GRID1: variants seen among roughly 807,000 people sequenced by gnomAD.
The protein encoded by GRID1 is glutamate receptor ionotropic, delta-1.
A neutral mutation model predicts 98.0 loss-of-function variants in GRID1; 28 were observed. The observed-to-expected ratio is 0.29, with a 90% CI of 0.21 to 0.39. GRID1 has a LOEUF of 0.39. GRID1 is among the 10% of genes least tolerant of loss of function. GRID1 has a pLI of 1.00. For missense variants in GRID1, 1,111 were observed against 1,340.5 expected, an observed-to-expected ratio of 0.83 and a Z score of 2.67; for synonymous variants, 553 against 538.5, an observed-to-expected ratio of 1.03 and a Z score of -0.37.
intron 2 of GRID1, among the ~76,000 whole-genome samples, chr10:86,251,737 C>A (rs1846836524): frequency 6.6e-6 from 1 of 152,204 alleles, no homozygotes; most frequent in African/African-American, 2.4e-5. Flanking sequence ...CAGATTGAAA[C>A]AGGCCTTCAC....
chr10:85,807,220 C>T (rs538173503), intron 8 of GRID1, among the ~76,000 whole-genome samples: 12 of 151,832 alleles, frequency 7.9e-5, no homozygotes, highest in Non-Finnish European at 1.3e-4. Context: ...TGTGGTGGCG[C>T]GCACCTGTAG....
chr10:86,138,973 T>C lies in GRID1; in HGVS notation c.572A>G (p.Asp191Gly), dbSNP rs766378370. The C allele has an allele frequency of 6.2e-7, 1 of 1,614,084 alleles. No individual in the cohort carries two copies. Among genetic ancestry groups the C allele is most frequent in the Admixed American group, 1.7e-5 (1 of 60,028 alleles). The stretch of plus-strand genomic sequence containing the variant: ...CTTGTCCACCTTTTGTAAAGAGACG[T>C]CAAGGCCCAGCCGCGAGGCCTGGTC... ...FLDQASRLGL[D>G]VSLQKVDKNI... Residue 191 changes from aspartate to glycine, a missense_variant, in exon 4 of 16, where the codon GAC (aspartate) becomes GGC (glycine). This residue lies in a region of GRID1 where 346 missense variants were observed against 452.3 expected (regional missense o/e 0.76). Transcript: ENST00000327946.
chr10:86,326,139 T>TA (rs1341444502), intron 2 of GRID1, among the ~76,000 whole-genome samples: 2 of 152,100 alleles, frequency 1.3e-5, no homozygotes, highest in South Asian at 2.1e-4. Flanking sequence ...GTATTAGAAA[T>TA]AAAATCAATA....
rs147220589 is a variant in GRID1, at chr10:85,979,617, A to G, written c.727-63378T>C. On this transcript the variant is annotated intron_variant, in intron 4 of 15. Transcript: ENST00000327946. The stretch of plus-strand genomic sequence containing the variant: ...CATAAGGAAATAGTCATATTGGATT[A>G]GGGTCCACCCTTATAACATCATTTT... Among the ~76,000 whole-genome samples, 9 of 152,368 alleles carry G rather than the reference A, an allele frequency of 5.9e-5. No homozygotes were observed. In the East Asian group the frequency reaches 1.7e-3, roughly 29 times the overall value.
intron 4 of GRID1, among the ~76,000 whole-genome samples, chr10:86,086,676 C>G (rs935607151): frequency 6.6e-6 from 1 of 151,988 alleles, no homozygotes; most frequent in Non-Finnish European, 1.5e-5. Context: ...GCACAAGTGT[C>G]CATGTGTGTG....
intron 4 of GRID1, among the ~76,000 whole-genome samples, chr10:85,987,478 CT>C (rs1376789617): frequency 4.1e-5 from 4 of 98,454 alleles, no homozygotes; most frequent in African/African-American, 1.6e-4. Flanking sequence ...TACCTTCCCC[CT>C]AACCTAATCA....
chr10:85,830,288 C>T (rs747682392), intron 8 of GRID1, among the ~76,000 whole-genome samples: 28 of 152,054 alleles, frequency 1.8e-4, no homozygotes, highest in Non-Finnish European at 3.8e-4. Context: ...CCCTTCCTTA[C>T]ATCATATTTA....
chr10:85,717,744 C>G (rs1841655533), intron 12 of GRID1, among the ~76,000 whole-genome samples: 1 of 152,214 alleles, frequency 6.6e-6, no homozygotes, highest in African/African-American at 2.4e-5. Flanking sequence ...AAAGTCTCAT[C>G]TGAGACAAGG....
chr10:85,743,084 C>G (rs1381889750), intron 8 of GRID1, among the ~76,000 whole-genome samples: 1 of 140,192 alleles, frequency 7.1e-6, no homozygotes, highest in African/African-American at 2.6e-5. Flanking sequence ...GCCAAAAACC[C>G]TTGGAGGATA....
At chr10:86,108,830 T>C (rs780787127) in intron 4 of GRID1, among the ~76,000 whole-genome samples, 1 of 152,226 alleles carries the variant, frequency 6.6e-6, no homozygotes, top group Non-Finnish European at 1.5e-5. Context: ...CCAATGCCTG[T>C]GAGTCTGGCA....
At chr10:85,941,812 T>C (rs1316683923) in intron 4 of GRID1, among the ~76,000 whole-genome samples, 1 of 152,208 alleles carries the variant, frequency 6.6e-6, no homozygotes, top group Non-Finnish European at 1.5e-5. Context: ...CCATTCCACT[T>C]AGTGGCAGAA....
chr10:85,883,974 T>C (rs1317710385), intron 5 of GRID1, among the ~76,000 whole-genome samples: 1 of 152,192 alleles, frequency 6.6e-6, no homozygotes, highest in Non-Finnish European at 1.5e-5. Flanking sequence ...AGGCTCCACA[T>C]TTGTTTAGTT....
intron 3 of GRID1, among the ~76,000 whole-genome samples, chr10:86,190,696 T>C (rs1325506288): frequency 2.0e-5 from 3 of 152,230 alleles, no homozygotes; most frequent in Non-Finnish European, 4.4e-5. Context: ...GGCCCTCCAG[T>C]GAAACCTCAT....
At chr10:85,641,861 G>A (rs1009978957) in intron 13 of GRID1, among the ~76,000 whole-genome samples, 6 of 152,160 alleles carry the variant, frequency 3.9e-5, no homozygotes, top group African/African-American at 1.4e-4. Flanking sequence ...GGCAGAGCCC[G>A]GATGCTATTC....
intron 3 of GRID1, among the ~76,000 whole-genome samples, chr10:86,150,717 T>G (rs367941461): frequency 6.6e-6 from 1 of 151,582 alleles, no homozygotes; most frequent in East Asian, 1.9e-4. Flanking sequence ...GAAGAGGGGG[T>G]TTTGGGAGGT....
chr10:85,773,194 A>G (rs1842291504), intron 8 of GRID1, among the ~76,000 whole-genome samples: 1 of 152,222 alleles, frequency 6.6e-6, no homozygotes. Flanking sequence ...AATGTAATCC[A>G]GCATATAAAC....
chr10:86,088,826 T>C (rs1348557449), intron 4 of GRID1, among the ~76,000 whole-genome samples: 1 of 152,078 alleles, frequency 6.6e-6, no homozygotes, highest in Admixed American at 6.5e-5. Context: ...GTCTGGAGTT[T>C]TCTTTTTGCC....
intron 2 of GRID1, among the ~76,000 whole-genome samples, chr10:86,249,041 T>C (rs1846778967): frequency 6.6e-6 from 1 of 151,646 alleles, no homozygotes; most frequent in African/African-American, 2.4e-5. Flanking sequence ...GAGCCAAGAC[T>C]GCCAGGGGGC....
intron 4 of GRID1, among the ~76,000 whole-genome samples, chr10:86,063,587 G>T (rs1270071814): frequency 6.6e-6 from 1 of 152,072 alleles, no homozygotes; most frequent in Non-Finnish European, 1.5e-5. Context: ...ATTATGAATA[G>T]AACCATAATG....
Sources: allele counts gnomAD v4.1 joint callset (sites outside exome capture counted in the v4.1 genomes callset), GRCh38; gene constraint gnomAD v4.1.1; regional missense constraint gnomAD v4.1.1; transcripts MANE v1.5; gene names NCBI Gene and HGNC (gene_info 2026-07-23, HGNC 2026-07-21).